MAP3K15: variants seen among roughly 807,000 people sequenced by gnomAD.
MAP3K15 encodes the protein mitogen-activated protein kinase kinase kinase 15.
MAP3K15 carries 124 observed loss-of-function variants against 99.5 expected under a neutral mutation model. The observed-to-expected ratio is 1.25, with a 90% CI of 1.08 to 1.45. MAP3K15 has a LOEUF of 1.45. Among genes scored for constraint, MAP3K15 ranks in the 40% most tolerant of loss-of-function variants. The probability of loss-of-function intolerance (pLI) is 0.00; values close to 1 mark genes in which losing one functional copy is unlikely to be tolerated. For missense variants in MAP3K15, 1,242 were observed against 1,079.7 expected (o/e 1.15, Z -2.11); for synonymous variants, 494 against 439.6 (o/e 1.12, Z -1.55).
At chrX:19,438,030 TAG>T (rs1169930523) in intron 6 of MAP3K15, among the ~76,000 whole-genome samples, 2 of 112,107 alleles carry the variant, frequency 1.8e-5, no homozygotes, top group Non-Finnish European at 3.8e-5. Context: ...GACAAGAGAT[TAG>T]AGTTTAGAGG....
In MAP3K15 at chrX:19,373,559, C is replaced by T. The variant is rs780434775; in HGVS notation, c.2910G>A (p.Arg970=). 4.3e-6 allele frequency: 5 copies of T among 1,170,353 alleles called. No individual in the cohort carries two copies. In the East Asian group the frequency reaches 9.6e-5, roughly 22 times the overall value. ...DALFERTRAP[R]HHLGHLLSVP... ...ACCTGAGGAGGTGGCCAAGGTGGTGCCTGGGCGCCCGGGTCCTCTCAAAGA... is the reference window on the plus strand; with the variant it reads ...ACCTGAGGAGGTGGCCAAGGTGGTGTCTGGGCGCCCGGGTCCTCTCAAAGA... Residue 970 remains arginine, a synonymous_variant, in exon 21 of 29, where the codon AGG becomes AGA. Transcript: ENST00000338883.
At position 19,515,005 on chromosome X, in the gene MAP3K15, C is replaced by G; in HGVS notation, c.257G>C (p.Cys86Ser). The G allele has an allele frequency of 9.1e-7, 1 of 1,102,166 alleles. No homozygotes were observed. The allele number at this position is 1,102,166 out of a possible 1,213,427, so 90.8% of individuals were successfully genotyped here. The change falls in exon 1 of 29, where the codon TGC (cysteine) becomes TCC (serine). Residue 86 changes from cysteine (C) to serine (S), a missense_variant. Coordinates refer to ENST00000338883, the MANE Select transcript of MAP3K15 (RefSeq NM_001001671.4). ...AGGPEAGARQ[C>S]LLRACEAEGA... ...CTCGGCCTCGCAGGCCCGCAGCAGG[C>G]ACTGCCGCGCCCCAGCCTCCGGGCC...
chrX:19,471,719 C>A (rs1289219219), intron 3 of MAP3K15, among the ~76,000 whole-genome samples: 1 of 111,432 alleles, frequency 9.0e-6, no homozygotes, highest in African/African-American at 3.3e-5. Context: ...AATGTTTTGT[C>A]ATATACAAGA....
intron 18 of MAP3K15, among the ~76,000 whole-genome samples, chrX:19,389,322 G>T (rs78493056): frequency 1.0e-5 from 1 of 95,376 alleles, no homozygotes; most frequent in Admixed American, 1.1e-4. Flanking sequence ...AAAAAAAAAA[G>T]GCAGGGCTGA....
chrX:19,428,292 G>A (rs981374778), intron 7 of MAP3K15, among the ~76,000 whole-genome samples: 2 of 111,889 alleles, frequency 1.8e-5, no homozygotes, highest in African/African-American at 6.5e-5. Flanking sequence ...TTCTGAAGCC[G>A]CTGGAGAAAA....
chrX:19,361,338 C>G lies in MAP3K15; in HGVS notation c.3857+1G>C, dbSNP rs377382652. Reference sequence around the variant, plus strand: ...TATACAAACTGTTTTGAGGCTCTTACCGTAGTCGAAGGTATCTTAGATCTT... The same window carrying G: ...TATACAAACTGTTTTGAGGCTCTTAGCGTAGTCGAAGGTATCTTAGATCTT... On this transcript the variant is annotated splice_donor_variant, in intron 28 of 28. Transcript: ENST00000338883. LOFTEE classifies it high-confidence loss of function. The G allele has an allele frequency of 7.5e-6, 9 of 1,196,853 alleles. No individual in the cohort carries two copies. Among genetic ancestry groups the G allele is most frequent in the Non-Finnish European group, 1.0e-5 (9 of 883,339 alleles).
At chrX:19,364,874 C>T (rs1268889954) in intron 25 of MAP3K15, among the ~76,000 whole-genome samples, 1 of 77,253 alleles carries the variant, frequency 1.3e-5, no homozygotes, top group Non-Finnish European at 2.3e-5. Context: ...GCCTGGGCAA[C>T]AAGAGCGAAA....
Position 19,488,831 on chromosome X carries a change from C to G in MAP3K15, c.498G>C (p.Leu166Phe), listed in dbSNP as rs951136236. ...GGAGAAGGTGAATACACTGTACCTTCAAAGAGAGAGCAGTGTCGGCATCGG... is the reference window on the plus strand; with the variant it reads ...GGAGAAGGTGAATACACTGTACCTTGAAAGAGAGAGCAGTGTCGGCATCGG... ...HDTDADTALS[L>F]KDMVTQKNTA... Residue 166 changes from leucine (L) to phenylalanine (F), a missense_variant, in exon 2 of 29, where the codon TTG becomes TTC. Coordinates refer to ENST00000338883, the MANE Select transcript of MAP3K15 (RefSeq NM_001001671.4). 8.3e-7 allele frequency: 1 copy of G among 1,198,204 alleles called. No homozygotes were observed. The highest frequency in any genetic ancestry group is 3.0e-5 in the East Asian group (1 of 33,825).
intron 24 of MAP3K15, 138 bp downstream of exon 24, chrX:19,370,821 C>T (rs967699894): frequency 1.4e-5 from 7 of 518,380 alleles, no homozygotes; most frequent in African/African-American, 1.2e-4. Flanking sequence ...CGGAAGAAGT[C>T]TATGACAACA....
At chrX:19,416,148 T>G (rs2063732578) in intron 9 of MAP3K15, among the ~76,000 whole-genome samples, 1 of 111,196 alleles carries the variant, frequency 9.0e-6, no homozygotes, top group Non-Finnish European at 1.9e-5. Context: ...CTGGCCAACA[T>G]GGTGAAATCC....
In MAP3K15 at chrX:19,417,406, C is replaced by A. The variant is rs113652914; in HGVS notation, c.1440-2149G>T. 3.6e-3 allele frequency among the ~76,000 whole-genome samples: 406 copies of A among 112,282 alleles called. 1 individual carries two copies. Among genetic ancestry groups the A allele is most frequent in the African/African-American group, 0.012 (364 of 30,960 alleles). ...CACACCAGGAGATTATATCCCGCGC[C>A]TGGCTCAGAGGGTCCTACGCCCAGA... On this transcript the variant is annotated intron_variant, in intron 9 of 28. Coordinates refer to ENST00000338883, the MANE Select transcript of MAP3K15 (RefSeq NM_001001671.4).
At chrX:19,487,141 A>T (rs1361378070) in intron 2 of MAP3K15, among the ~76,000 whole-genome samples, 2 of 93,725 alleles carry the variant, frequency 2.1e-5, no homozygotes, top group Non-Finnish European at 4.3e-5. Flanking sequence ...GGGGGGGGGA[A>T]GGGCGGAGAA....
intron 25 of MAP3K15, among the ~76,000 whole-genome samples, chrX:19,364,930 G>A (rs61539794): frequency 0.14 from 14,326 of 105,050 alleles, 2,580 homozygotes; most frequent in African/African-American, 0.47. Flanking sequence ...TGGGCTGGGC[G>A]CAGTGGCTCA....
chrX:19,411,648 G>C (rs1458695508), intron 11 of MAP3K15, among the ~76,000 whole-genome samples: 1 of 109,673 alleles, frequency 9.1e-6, no homozygotes, highest in Non-Finnish European at 1.9e-5. Flanking sequence ...GGTAGGCGTC[G>C]CTGATGACTT....
intron 7 of MAP3K15, among the ~76,000 whole-genome samples, chrX:19,430,774 C>A (rs1427995587): frequency 9.0e-6 from 1 of 110,635 alleles, no homozygotes; most frequent in South Asian, 3.9e-4. Flanking sequence ...GAGTCTCTGC[C>A]CTTGCTGTTT....
intron 3 of MAP3K15, among the ~76,000 whole-genome samples, chrX:19,467,644 G>A (rs1358711943): frequency 9.4e-6 from 1 of 105,904 alleles, no homozygotes; most frequent in Non-Finnish European, 1.9e-5. Flanking sequence ...GCAGGCGCCT[G>A]TAATCCCAGC....
rs1202666359 is a variant in MAP3K15, at chrX:19,515,115, G to A, written c.147C>T (p.Gly49=). The change falls in exon 1 of 29, where the codon GGC becomes GGT. Residue 49 remains glycine, a synonymous_variant. Transcript: ENST00000338883. ...GCGGCCCGCCCCCACTCTCGCCCTC[G>A]CCGCTGCCGCCTGCCGCGCCCTCCG... ...GAAEGAAGGS[G]EGESGGGPRR... 4.9e-6 allele frequency: 4 copies of A among 814,127 alleles called. No individual in the cohort carries two copies. Among genetic ancestry groups the A allele is most frequent in the East Asian group, 6.4e-5 (1 of 15,584 alleles). The allele number at this position is 814,127 out of a possible 1,213,427, so 67.1% of individuals were successfully genotyped here. A position where few individuals can be genotyped will look rare whatever the true frequency, so the allele number is the denominator to read the frequency against.
intron 1 of MAP3K15, among the ~76,000 whole-genome samples, chrX:19,514,291 CG>C (rs2064540553): frequency 9.4e-6 from 1 of 106,620 alleles, no homozygotes; most frequent in South Asian, 4.3e-4. Context: ...TTGGGACCCA[CG>C]GCCGTAAGAG....
rs143112502 is a variant in MAP3K15 at position 19,390,781 on chromosome X, A to G, written c.2431+1221T>C. On this transcript the variant is annotated intron_variant, in intron 18 of 28. Coordinates refer to ENST00000338883, the MANE Select transcript of MAP3K15 (RefSeq NM_001001671.4). The stretch of plus-strand genomic sequence containing the variant: ...ACTGCTGGCCTCAAGTGATCCTCCC[A>G]TCTTGGCCTTTTAAAGTGCTGGGAT... 3.0e-3 allele frequency among the ~76,000 whole-genome samples: 316 copies of G among 105,686 alleles called. 1 individual carries two copies. Among genetic ancestry groups the G allele is most frequent in the Middle Eastern group, 0.019 (4 of 207 alleles). 91.8% of individuals were successfully genotyped at this position (105,686 alleles called of 115,157 possible). A position where few individuals can be genotyped will look rare whatever the true frequency, so the allele number is the denominator to read the frequency against.
Sources: allele counts gnomAD v4.1 joint callset (sites outside exome capture counted in the v4.1 genomes callset), GRCh38; gene constraint gnomAD v4.1.1; transcripts MANE v1.5; gene names NCBI Gene and HGNC (gene_info 2026-07-23, HGNC 2026-07-21).